The following PIP4K2A variants were observed in gnomAD, a reference collection of about 807,000 sequenced individuals.
PIP4K2A encodes the protein phosphatidylinositol-5-phosphate 4-kinase type 2 alpha.
Under a neutral mutation model 42.9 loss-of-function variants are expected in PIP4K2A, and 14 were observed. The ratio of observed to expected loss-of-function variants is 0.33; its 90% CI spans 0.22 to 0.51. The LOEUF is 0.51. Ranked by LOEUF, PIP4K2A falls within the 20% of genes least tolerant of loss-of-function variation. The probability of loss-of-function intolerance (pLI) is 0.97; values close to 1 mark genes in which losing one functional copy is unlikely to be tolerated. For missense variants in PIP4K2A, 434 were observed against 519.8 expected, an observed-to-expected ratio of 0.83 and a Z score of 1.61; for synonymous variants, 192 against 192.2, an observed-to-expected ratio of 1.00 and a Z score of 0.01.
intron 3 of PIP4K2A, among the ~76,000 whole-genome samples, chr10:22,599,422 G>A (rs1837703277): frequency 2.0e-5 from 3 of 152,152 alleles, no homozygotes; most frequent in African/African-American, 7.2e-5. Context: ...ACAGGTGTTT[G>A]TGACTGGCCC....
At chr10:22,699,812 G>A (rs1293271654) in intron 1 of PIP4K2A, among the ~76,000 whole-genome samples, 1 of 151,948 alleles carries the variant, frequency 6.6e-6, no homozygotes, top group Non-Finnish European at 1.5e-5. Context: ...GTTCTACATA[G>A]ACACTAAAAT....
At chr10:22,613,371 T>C (rs530840445) in intron 1 of PIP4K2A, among the ~76,000 whole-genome samples, 2 of 152,104 alleles carry the variant, frequency 1.3e-5, no homozygotes, top group East Asian at 3.9e-4. Flanking sequence ...GGACATTCCG[T>C]AGCACTTCTC....
intron 7 of PIP4K2A, among the ~76,000 whole-genome samples, chr10:22,543,785 C>T (rs987394484): frequency 5.9e-5 from 9 of 152,184 alleles, no homozygotes; most frequent in South Asian, 2.1e-4. Context: ...GTCCTCCACC[C>T]GCACGGTGAA....
At chr10:22,615,262 T>C (rs919891780) in intron 1 of PIP4K2A, among the ~76,000 whole-genome samples, 2 of 152,162 alleles carry the variant, frequency 1.3e-5, no homozygotes, top group Non-Finnish European at 2.9e-5. Flanking sequence ...CACACCACCA[T>C]GCATGGCTAA....
chr10:22,615,877 C>G (rs1279694145), intron 1 of PIP4K2A, among the ~76,000 whole-genome samples: 2 of 152,154 alleles, frequency 1.3e-5, no homozygotes, highest in African/African-American at 4.8e-5. Context: ...AGAAATTCCC[C>G]GCCCCACACA....
intron 5 of PIP4K2A, among the ~76,000 whole-genome samples, chr10:22,568,116 A>C (rs1836893552): frequency 6.6e-6 from 1 of 152,062 alleles, no homozygotes; most frequent in Admixed American, 6.5e-5. Context: ...TCTAGCCCTG[A>C]CTCTGTCTTG....
intron 1 of PIP4K2A, among the ~76,000 whole-genome samples, chr10:22,681,514 A>G (rs544777448): frequency 6.6e-6 from 1 of 152,204 alleles, no homozygotes; most frequent in African/African-American, 2.4e-5. Flanking sequence ...TCTCTTCAAA[A>G]AATTTTAAAA....
intron 3 of PIP4K2A, among the ~76,000 whole-genome samples, chr10:22,600,895 G>T (rs1446472129): frequency 2.6e-5 from 4 of 152,078 alleles, no homozygotes; most frequent in African/African-American, 9.6e-5. Flanking sequence ...CTCAAGTGAA[G>T]AATAGCTTTC....
chr10:22,572,566 C>T (rs1837015040), intron 5 of PIP4K2A, among the ~76,000 whole-genome samples: 1 of 151,766 alleles, frequency 6.6e-6, no homozygotes, highest in African/African-American at 2.4e-5. Flanking sequence ...GATTGAGCCA[C>T]TGCGCTCCAG....
intron 5 of PIP4K2A, chr10:22,569,112 C>G: frequency 7.9e-7 from 1 of 1,264,194 alleles, no homozygotes; most frequent in Non-Finnish European, 1.1e-6. Context: ...CAGGCATTGA[C>G]TAGGATTGAG....
intron 1 of PIP4K2A, among the ~76,000 whole-genome samples, chr10:22,650,444 G>C (rs1838971185): frequency 6.6e-6 from 1 of 152,078 alleles, no homozygotes; most frequent in African/African-American, 2.4e-5. Flanking sequence ...ATGGGGTTTT[G>C]CCATGTTGCC....
chr10:22,617,888 A>G (rs1197777899), intron 1 of PIP4K2A, among the ~76,000 whole-genome samples: 1 of 152,180 alleles, frequency 6.6e-6, no homozygotes, highest in Non-Finnish European at 1.5e-5. Flanking sequence ...CATTTCTACT[A>G]CTTAAATATG....
At chr10:22,677,137 G>A (rs548078554) in intron 1 of PIP4K2A, among the ~76,000 whole-genome samples, 1 of 152,102 alleles carries the variant, frequency 6.6e-6, no homozygotes, top group Non-Finnish European at 1.5e-5. Flanking sequence ...TACATGTTTT[G>A]CATGTACATG....
intron 1 of PIP4K2A, among the ~76,000 whole-genome samples, chr10:22,675,238 C>G (rs550502201): frequency 6.6e-6 from 1 of 152,134 alleles, no homozygotes; most frequent in East Asian, 1.9e-4. Flanking sequence ...TTCTTCTATC[C>G]CAGGTACCAT....
intron 6 of PIP4K2A, among the ~76,000 whole-genome samples, chr10:22,555,771 A>C (rs112367814): frequency 0.032 from 4,865 of 151,710 alleles, 260 homozygotes; most frequent in African/African-American, 0.11. Flanking sequence ...AAAAAAAAAA[A>C]CAATTTATGA....
intron 1 of PIP4K2A, among the ~76,000 whole-genome samples, chr10:22,687,663 G>C (rs191518117): frequency 2.2e-4 from 34 of 152,104 alleles, no homozygotes; most frequent in Admixed American, 1.4e-3. Context: ...AATCCGCAAC[G>C]ATCAAGTCCC....
At chr10:22,667,865 CTGTGTGTGTGTGTGTGTGTG>C (rs10603287) in intron 1 of PIP4K2A, among the ~76,000 whole-genome samples, 8,587 of 132,590 alleles carry the variant, frequency 0.065, 366 homozygotes, top group African/African-American at 0.13. Flanking sequence ...CAGTGAACTT[CTGTGTGTGTGTGTGTGTGTG>C]TGTGTGTGTG....
At chr10:22,682,772 G>A (rs1297750918) in intron 1 of PIP4K2A, among the ~76,000 whole-genome samples, 1 of 152,166 alleles carries the variant, frequency 6.6e-6, no homozygotes, top group Non-Finnish European at 1.5e-5. Flanking sequence ...ACTCAGGGAG[G>A]GAGAACTAGA....
intron 1 of PIP4K2A, among the ~76,000 whole-genome samples, chr10:22,651,050 T>C (rs962541683): frequency 6.6e-6 from 1 of 152,190 alleles, no homozygotes; most frequent in Non-Finnish European, 1.5e-5. Context: ...CCACGACCAA[T>C]GGCTTTCTTA....
Sources: allele counts gnomAD v4.1 joint callset (sites outside exome capture counted in the v4.1 genomes callset), GRCh38; gene constraint gnomAD v4.1.1; transcripts MANE v1.5; gene names NCBI Gene and HGNC (gene_info 2026-07-23, HGNC 2026-07-21).